Variants in FRMD4B observed in about 807,000 individuals in gnomAD.
FRMD4B encodes the protein FERM domain containing 4B, also known as FERM domain-containing protein 4B.
A neutral mutation model predicts 141.5 loss-of-function variants in FRMD4B; 74 were observed. The ratio of observed to expected loss-of-function variants is 0.52; its 90% CI spans 0.43 to 0.63. The LOEUF (loss-of-function observed/expected upper bound fraction) is 0.63, where lower values mean the gene tolerates loss of function less well. FRMD4B is among the 30% of genes least tolerant of loss of function. The pLI is 0.00. For synonymous variants in FRMD4B, 506 were observed against 467.9 expected, an observed-to-expected ratio of 1.08 and a Z score of -1.05; for missense variants, 1,366 against 1,253.4, an observed-to-expected ratio of 1.09 and a Z score of -1.36.
intron 7 of FRMD4B, among the ~76,000 whole-genome samples, chr3:69,231,759 G>A (rs1275525631): frequency 2.6e-5 from 4 of 152,216 alleles, no homozygotes; most frequent in South Asian, 2.1e-4. Flanking sequence ...CAACGGTAAC[G>A]TAAGAGGTTA....
intron 5 of FRMD4B, among the ~76,000 whole-genome samples, chr3:69,261,142 T>C (rs2093524750): frequency 6.6e-6 from 1 of 152,222 alleles, no homozygotes; most frequent in South Asian, 2.1e-4. Context: ...ATCTTGCTGC[T>C]GCTCACTCTT....
At chr3:69,180,813 C>G in intron 21 of FRMD4B, 86 bp downstream of exon 21, 2 of 909,016 alleles carry the variant, frequency 2.2e-6, no homozygotes, top group Non-Finnish European at 3.5e-6. Flanking sequence ...GAGTACTGGT[C>G]TCATGATCCG....
chr3:69,297,507 T>C (rs560850153), intron 4 of FRMD4B, among the ~76,000 whole-genome samples: 1 of 151,872 alleles, frequency 6.6e-6, no homozygotes, highest in African/African-American at 2.4e-5. Flanking sequence ...CAACAAAAAA[T>C]AATAAAGGGG....
intron 2 of FRMD4B, among the ~76,000 whole-genome samples, chr3:69,414,632 TG>T (rs1704818263): frequency 6.6e-6 from 1 of 151,922 alleles, no homozygotes; most frequent in Non-Finnish European, 1.5e-5. Context: ...AGGTGAGCAG[TG>T]CCATCAGGTT....
chr3:69,243,659 C>T (rs1270378873), intron 7 of FRMD4B, among the ~76,000 whole-genome samples: 1 of 152,210 alleles, frequency 6.6e-6, no homozygotes, highest in Non-Finnish European at 1.5e-5. Flanking sequence ...ATGTAACAAT[C>T]TCTTTGGGCT....
intron 1 of FRMD4B, among the ~76,000 whole-genome samples, chr3:69,517,593 C>T (rs951709638): frequency 2.0e-5 from 3 of 152,154 alleles, no homozygotes; most frequent in African/African-American, 7.2e-5. Flanking sequence ...TCAAAGGCCC[C>T]CAAATAACGG....
intron 2 of FRMD4B, among the ~76,000 whole-genome samples, chr3:69,415,734 A>G (rs911963514): frequency 6.6e-6 from 1 of 152,208 alleles, no homozygotes; most frequent in Non-Finnish European, 1.5e-5. Context: ...TAATGGGACT[A>G]TTTAATTTTG....
intron 4 of FRMD4B, among the ~76,000 whole-genome samples, chr3:69,289,464 C>T (rs1700802376): frequency 6.6e-6 from 1 of 152,196 alleles, no homozygotes; most frequent in South Asian, 2.1e-4. Context: ...TTAGTGTCCA[C>T]TGCCCCGGAC....
intron 5 of FRMD4B, among the ~76,000 whole-genome samples, chr3:69,276,909 G>A (rs1307377797): frequency 6.6e-6 from 1 of 152,206 alleles, no homozygotes; most frequent in Non-Finnish European, 1.5e-5. Context: ...AGGTTGCAGT[G>A]AGCCGAGATT....
chr3:69,224,702 T>G lies in FRMD4B; in HGVS notation c.582-12A>C. 7.4e-7 allele frequency: 1 copy of G among 1,344,002 alleles called. No individual in the cohort carries two copies. The highest frequency in any genetic ancestry group is 1.1e-6 in the Non-Finnish European group (1 of 950,856). 83.3% of individuals were successfully genotyped at this position (1,344,002 alleles called of 1,614,324 possible). A position where few individuals can be genotyped will look rare whatever the true frequency, so the allele number is the denominator to read the frequency against. On this transcript the variant is annotated splice_polypyrimidine_tract_variant and intron_variant, in intron 7 of 22. Transcript: ENST00000398540. ...TGGCATTTTCATCACTAAAAAGAAA[T>G]GGAATATGGTAATGTCAGGTACTGT...
chr3:69,230,079 C>T (rs904452092), intron 7 of FRMD4B, among the ~76,000 whole-genome samples: 2 of 151,798 alleles, frequency 1.3e-5, no homozygotes, highest in African/African-American at 4.8e-5. Flanking sequence ...CAGGTTCAAG[C>T]AATTCTCTGC....
At chr3:69,328,175 T>C (rs1691759585) in intron 1 of FRMD4B, among the ~76,000 whole-genome samples, 1 of 150,702 alleles carries the variant, frequency 6.6e-6, no homozygotes, top group Non-Finnish European at 1.5e-5. Flanking sequence ...GGTTGTTAGG[T>C]ACAACTAATA....
intron 1 of FRMD4B, among the ~76,000 whole-genome samples, chr3:69,382,700 A>G (rs1704145307): frequency 1.3e-5 from 2 of 150,320 alleles, no homozygotes; most frequent in Non-Finnish European, 3.0e-5. Context: ...CAGACCCTAA[A>G]TTGGAGTTCC....
chr3:69,504,767 C>T (rs1183313728), intron 1 of FRMD4B, among the ~76,000 whole-genome samples: 1 of 152,172 alleles, frequency 6.6e-6, no homozygotes, highest in African/African-American at 2.4e-5. Context: ...TCTTTGCACA[C>T]ATCTTAGTTG....
At chr3:69,224,749 C>A (rs111479378) in intron 7 of FRMD4B, 59 bp from the exon 8 acceptor site, 1 of 796,530 alleles carries the variant, frequency 1.3e-6, no homozygotes, top group South Asian at 1.5e-5. Context: ...TTATGCAAGC[C>A]GGTCACCAAA....
intron 1 of FRMD4B, among the ~76,000 whole-genome samples, chr3:69,490,828 G>A (rs1468127049): frequency 6.6e-6 from 1 of 152,142 alleles, no homozygotes; most frequent in East Asian, 1.9e-4. Flanking sequence ...CCTTTAGGGT[G>A]AATGAAGCAC....
intron 1 of FRMD4B, among the ~76,000 whole-genome samples, chr3:69,457,022 T>A (rs532347325): frequency 4.6e-5 from 7 of 152,266 alleles, no homozygotes; most frequent in East Asian, 1.9e-4. Context: ...GCAGTCTAAT[T>A]CACATACACA....
intron 3 of FRMD4B, among the ~76,000 whole-genome samples, chr3:69,303,328 T>TA (rs75778830): frequency 1.0e-3 from 137 of 133,924 alleles, no homozygotes; most frequent in Middle Eastern, 3.8e-3. Context: ...GACCCCATCT[T>TA]AAAAAAAAAA....
chr3:69,427,938 C>T lies in FRMD4B; in HGVS notation c.-1+4696G>A, dbSNP rs1249128053. Among the ~76,000 whole-genome samples, 8 of 151,910 alleles carry T rather than the reference C, an allele frequency of 5.3e-5. No individual in the cohort carries two copies. In the South Asian group the frequency reaches 8.3e-4, roughly 16 times the overall value. ...CCCAAAATGCTGGGATTACAGGCGG[C>T]GTGAGCCACCACGCCCAGCCAAGAA... On this transcript the variant is annotated intron_variant, in intron 2 of 5. Transcript: ENST00000459638.
Sources: allele counts gnomAD v4.1 joint callset (sites outside exome capture counted in the v4.1 genomes callset), GRCh38; gene constraint gnomAD v4.1.1; transcripts MANE v1.5; gene names NCBI Gene and HGNC (gene_info 2026-07-23, HGNC 2026-07-21).